The following PMPCA variants were observed in gnomAD, a reference collection of about 807,000 sequenced individuals.
PMPCA encodes mitochondrial-processing peptidase subunit alpha.
A neutral mutation model predicts 59.3 loss-of-function variants in PMPCA; 47 were observed. That is an observed-to-expected ratio of 0.79 (90% CI 0.63 to 1.01). PMPCA has a LOEUF of 1.01. PMPCA is among the 50% of genes least tolerant of loss of function. The pLI, the probability that PMPCA is intolerant of heterozygous loss-of-function variation, is 0.00. For synonymous variants in PMPCA, 338 were observed against 290.3 expected (o/e 1.16, Z -1.67); for missense variants, 726 against 704.5 (o/e 1.03, Z -0.34).
rs942700293 is a variant in PMPCA, at chr9:136,423,508, G to A, written c.*244G>A. On this transcript the variant is annotated 3_prime_UTR_variant, in exon 13 of 13. Coordinates refer to ENST00000371717, the MANE Select transcript of PMPCA (RefSeq NM_015160.3). Reference sequence around the variant, plus strand: ...GAAGTGCCCAGCGCTGGAGTGCAGCGTGCCACGAGGAGGGCGGTCGGTGCT... The same window carrying A: ...GAAGTGCCCAGCGCTGGAGTGCAGCATGCCACGAGGAGGGCGGTCGGTGCT... 2.5e-5 allele frequency: 12 copies of A among 486,112 alleles called. No individual in the cohort carries two copies. The highest frequency in any genetic ancestry group is 4.1e-5 in the Non-Finnish European group (11 of 269,822). 30.1% of individuals were successfully genotyped at this position (486,112 alleles called of 1,614,324 possible). A position where few individuals can be genotyped will look rare whatever the true frequency, so the allele number is the denominator to read the frequency against.
intron 4 of PMPCA, 196 bp downstream of exon 4, chr9:136,413,088 C>A: frequency 1.9e-6 from 1 of 530,818 alleles, no homozygotes. Context: ...CAGTTGACCC[C>A]CGTCAGTTCC....
At position 136,423,464 on chromosome 9, in the gene PMPCA, C is replaced by A. The variant is rs145113059; in HGVS notation, c.*200C>A. ...TGGAGTCAGTATCGAGCCTGACCACCGCAAGCCAGGAAGCAGGTGAAGTGC... is the reference window on the plus strand; with the variant it reads ...TGGAGTCAGTATCGAGCCTGACCACAGCAAGCCAGGAAGCAGGTGAAGTGC... On this transcript the variant is annotated 3_prime_UTR_variant, in exon 13 of 13. Transcript: ENST00000371717. 5.1e-6 allele frequency: 3 copies of A among 587,286 alleles called. No individual in the cohort carries two copies. The Admixed American group carries it at 9.1e-5, about 18-fold the overall frequency. The allele number at this position is 587,286 out of a possible 1,614,324, so 36.4% of individuals were successfully genotyped here.
chr9:136,417,917 T>C (rs1212740484), intron 7 of PMPCA, 100 bp from the exon 8 acceptor site: 1 of 882,618 alleles, frequency 1.1e-6, no homozygotes, highest in Non-Finnish European at 1.9e-6. Flanking sequence ...CTGGCTGGCA[T>C]TGGATTTCTG....
chr9:136,415,841 C>T (rs1835258523), intron 5 of PMPCA, among the ~76,000 whole-genome samples: 2 of 152,226 alleles, frequency 1.3e-5, no homozygotes, highest in Non-Finnish European at 2.9e-5. Context: ...CAGTGCTGGC[C>T]AGGCTGGTCT....
chr9:136,414,177 G>T (rs1179577026), intron 4 of PMPCA, among the ~76,000 whole-genome samples: 2 of 152,236 alleles, frequency 1.3e-5, no homozygotes, highest in African/African-American at 4.8e-5. Context: ...TTTTGAGAGA[G>T]AGTATAGTTA....
At chr9:136,422,858 T>G in intron 12 of PMPCA, 3 of 1,328,792 alleles carry the variant, frequency 2.3e-6, no homozygotes, top group Non-Finnish European at 1.9e-6. Flanking sequence ...TTGGGTGGCT[T>G]TGTCCTATAT....
At chr9:136,418,480 C>T (rs1835346931) in intron 8 of PMPCA, 75 bp from the exon 9 acceptor site, 16 of 958,114 alleles carry the variant, frequency 1.7e-5, no homozygotes, top group South Asian at 1.5e-4. Context: ...CAGCTCTGCC[C>T]TCCGTCCCTG....
chr9:136,423,597 G>A lies in PMPCA; in HGVS notation c.*333G>A, dbSNP rs1835524366. The A allele has an allele frequency of 6.8e-6, 2 of 294,082 alleles. No homozygotes were observed. The highest frequency in any genetic ancestry group is 9.2e-5 in the South Asian group (2 of 21,802). 18.2% of individuals were successfully genotyped at this position (294,082 alleles called of 1,614,324 possible). ...TCCTTGGAGGAGCCCTGAGCTGGGA[G>A]GCAGCAAAGGCTGACCTATCAAAGC... On this transcript the variant is annotated 3_prime_UTR_variant, in exon 13 of 13. Coordinates refer to ENST00000371717, the MANE Select transcript of PMPCA (RefSeq NM_015160.3).
chr9:136,413,983 C>T (rs1835203870), intron 4 of PMPCA, among the ~76,000 whole-genome samples: 2 of 152,212 alleles, frequency 1.3e-5, no homozygotes, highest in Admixed American at 6.5e-5. Context: ...CGTGCCTGTC[C>T]CATGGGCCAG....
At position 136,418,108 on chromosome 9, in the gene PMPCA, T is replaced by C. The variant is rs1255598911; in HGVS notation, c.989T>C (p.Leu330Pro). ...IMVGLESCSF[L>P]EEDFIPFAVL... is the part of the protein sequence containing the mutation. ...GTTGGACTGGAGAGCTGCTCCTTCC[T>C]GGTGAGTCCTGGTGCTGGGTCTGAT... Residue 330 changes from leucine to proline, a missense_variant and splice_region_variant, in exon 8 of 13, where the codon CTG (leucine) becomes CCG (proline). Leu to Pro is a moderately conservative substitution (Grantham distance 98). Coordinates refer to ENST00000371717, the MANE Select transcript of PMPCA (RefSeq NM_015160.3). The C allele has an allele frequency of 6.2e-7, 1 of 1,601,554 alleles. No individual in the cohort carries two copies. Among genetic ancestry groups the C allele is most frequent in the Non-Finnish European group, 8.6e-7 (1 of 1,168,520 alleles).
At chr9:136,416,269 T>C (rs746096709) in intron 5 of PMPCA, 22 bp from the exon 6 acceptor site, 1 of 1,569,794 alleles carries the variant, frequency 6.4e-7, no homozygotes, top group Non-Finnish European at 8.8e-7. Flanking sequence ...GACTCAGCCC[T>C]GGCCTTTGGG....
chr9:136,417,023 G>C lies in PMPCA; in HGVS notation c.706G>C (p.Glu236Gln). The C allele has an allele frequency of 6.2e-7, 1 of 1,613,698 alleles. No individual in the cohort carries two copies. Among genetic ancestry groups the C allele is most frequent in the Non-Finnish European group, 8.5e-7 (1 of 1,180,018 alleles). Residue 236 changes from glutamate to glutamine, a missense_variant, in exon 7 of 13, where the codon GAG becomes CAG. Coordinates refer to ENST00000371717, the MANE Select transcript of PMPCA (RefSeq NM_015160.3). ...AGAAAACGTAGCAAAGATCAACCGA[G>C]AGGTGCTGCATTCCTACCTGAGGAA... ...PTENVAKINR[E>Q]VLHSYLRNYY... is the part of the protein sequence containing the mutation.
intron 12 of PMPCA, 54 bp downstream of exon 12, chr9:136,422,030 G>A (rs766571606): frequency 1.9e-6 from 3 of 1,564,960 alleles, no homozygotes; most frequent in Non-Finnish European, 1.7e-6. Context: ...CAGGCTCAGA[G>A]GAGGCCGTCT....
At chr9:136,414,861 A>G (rs577826963) in intron 5 of PMPCA, among the ~76,000 whole-genome samples, 1 of 152,326 alleles carries the variant, frequency 6.6e-6, no homozygotes, top group Admixed American at 6.5e-5. Context: ...TCAGGCAGGC[A>G]AATCGCTTGA....
Position 136,412,199 on chromosome 9 carries a change from A to G in PMPCA, c.274A>G (p.Ile92Val). The G allele has an allele frequency of 3.1e-6, 5 of 1,608,020 alleles. No homozygotes were observed. The highest frequency in any genetic ancestry group is 4.3e-6 in the Non-Finnish European group (5 of 1,174,564). Residue 92 changes from isoleucine (I) to valine (V), a missense_variant and splice_region_variant, in exon 2 of 13, where the codon ATT becomes GTT. Physicochemically the swap from Ile to Val is conservative, Grantham distance 29. Transcript: ENST00000371717. ...GTTTGGACAGTTTTGTACAGTAGGA[A>G]GTAAGTACTGTTGTGTTGTCGTGGG... ...NKFGQFCTVG[I>V]LINSGSRYEA...
intron 6 of PMPCA, 39 bp from the exon 7 acceptor site, chr9:136,416,912 T>C: frequency 6.4e-7 from 1 of 1,568,872 alleles, no homozygotes; most frequent in Non-Finnish European, 8.7e-7. Flanking sequence ...CTGGTCATGC[T>C]GTCTTCAGTC....
rs1416218020 is a variant in PMPCA, at chr9:136,423,656, C to CATG, written c.*393_*394insTGA. The CATG allele has an allele frequency of 5.0e-6, 1 of 201,828 alleles. No individual in the cohort carries two copies. The highest frequency in any genetic ancestry group is 5.2e-5 in the Admixed American group (1 of 19,286). The allele number at this position is 201,828 out of a possible 1,614,324, so 12.5% of individuals were successfully genotyped here. ...GGCCACCGTGCTGGGTACCAGGACT[C>CATG]ACCTCTGACAAGCAGGAGAAGGTAA... is the stretch of plus-strand genomic sequence containing the variant. On this transcript the variant is annotated 3_prime_UTR_variant, in exon 13 of 13. Transcript: ENST00000371717.
rs374599356 is a variant in PMPCA at position 136,421,957 on chromosome 9, C to T, written c.1389C>T (p.His463=). 2.6e-5 allele frequency: 42 copies of T among 1,612,688 alleles called. No individual in the cohort carries two copies. Among genetic ancestry groups the T allele is most frequent in the African/African-American group, 1.9e-4 (14 of 75,040 alleles). The change falls in exon 12 of 13, where the codon CAC becomes CAT. Residue 463 remains histidine, a synonymous_variant. Coordinates refer to ENST00000371717, the MANE Select transcript of PMPCA (RefSeq NM_015160.3). The part of the protein sequence containing the change: ...VLATRSRKLP[H]ELCTLIRNVK... ...CCACTCGCTCCAGAAAGCTGCCGCA[C>T]GAGCTGTGCACGCTCATCCGTGAGT...
rs1208152893 is a variant in PMPCA, at chr9:136,418,550, T to C, written c.991-5T>C. 3.2e-6 allele frequency: 5 copies of C among 1,581,078 alleles called. No homozygotes were observed. The highest frequency in any genetic ancestry group is 4.3e-6 in the Non-Finnish European group (5 of 1,150,058). ...TTCAGCCAGCTCTGCCCTCCGTCCC[T>C]GCAGGAGGAGGACTTCATCCCCTTT... is the stretch of plus-strand genomic sequence containing the variant. On this transcript the variant is annotated splice_polypyrimidine_tract_variant and splice_region_variant and intron_variant, in intron 8 of 12. Transcript: ENST00000371717.
Sources: gnomAD v4.1 joint callset for allele counts (sites outside exome capture counted in the v4.1 genomes callset) on GRCh38, gnomAD v4.1.1 for gene constraint, MANE v1.5 for transcripts, NCBI Gene and HGNC (gene_info 2026-07-23, HGNC 2026-07-21) for gene names.